The following NECTIN3 variants were observed in gnomAD, a reference collection of about 807,000 sequenced individuals.
NECTIN3 encodes the protein nectin-3.
Under a neutral mutation model 49.4 loss-of-function variants are expected in NECTIN3, and 8 were observed. The observed-to-expected ratio is 0.16, with a 90% CI of 0.10 to 0.29. The LOEUF (loss-of-function observed/expected upper bound fraction) is 0.29, where lower values mean the gene tolerates loss of function less well. NECTIN3 is among the 10% of genes least tolerant of loss of function. The pLI is 1.00. For synonymous variants in NECTIN3, 277 were observed against 241.1 expected, an observed-to-expected ratio of 1.15 and a Z score of -1.38; for missense variants, 581 against 654.6, an observed-to-expected ratio of 0.89 and a Z score of 1.23.
At chr3:111,121,084 G>A (rs1440551640) in intron 3 of NECTIN3, among the ~76,000 whole-genome samples, 1 of 146,858 alleles carries the variant, frequency 6.8e-6, no homozygotes, top group Non-Finnish European at 1.5e-5. Flanking sequence ...CTCACTGCAA[G>A]CTCCGCCTCC....
rs2034482155 is a variant in NECTIN3 at position 111,133,900 on chromosome 3, A to G, written c.1335A>G (p.Pro445=). 1.9e-6 allele frequency: 3 copies of G among 1,614,006 alleles called. No homozygotes were observed. Among genetic ancestry groups the G allele is most frequent in the Non-Finnish European group, 1.7e-6 (2 of 1,179,916 alleles). Residue 445 remains proline (P), a synonymous_variant, in exon 6 of 6, where the codon CCA becomes CCG. Transcript: ENST00000485303. ...ACTACTTTGCCAAGAACTACATTCC[A>G]CCATCAGATATGCAAAAAGAATCAC... The part of the protein sequence containing the change: ...RGDYFAKNYI[P]PSDMQKESQI...
chr3:111,072,677 A>C, intron 1 of NECTIN3: 1 of 1,159,358 alleles, frequency 8.6e-7, no homozygotes, highest in Non-Finnish European at 1.2e-6. Context: ...ACCCAGCCGC[A>C]GAATCCCCTA....
chr3:111,189,435 A>AT (rs1229048490), upstream of NECTIN3, among the ~76,000 whole-genome samples: 1 of 152,126 alleles, frequency 6.6e-6, no homozygotes, highest in East Asian at 1.9e-4. Context: ...TTGTAAATTG[A>AT]TTTTTTAAAG....
In NECTIN3 at chr3:111,117,172, C is replaced by G. The variant is rs930051055; in HGVS notation, c.503-1484C>G. ...AAAAATGAATTCCAAAAACAATAAG[C>G]TAAAGCTAAATGTTCCAATATGAAT... On this transcript the variant is annotated intron_variant, in intron 2 of 5. Coordinates refer to ENST00000485303, the MANE Select transcript of NECTIN3 (RefSeq NM_015480.3). 2.2e-4 allele frequency among the ~76,000 whole-genome samples: 34 copies of G among 151,894 alleles called. 1 individual carries two copies. The highest frequency in any genetic ancestry group is 4.4e-5 in the Non-Finnish European group (3 of 67,880).
chr3:111,077,407 A>G (rs2107354168), intron 1 of NECTIN3: 1 of 221,016 alleles, frequency 4.5e-6, no homozygotes, highest in South Asian at 6.1e-5. Flanking sequence ...CACCCAATAG[A>G]GGCCCTTTAG....
intron 7 of NECTIN3, among the ~76,000 whole-genome samples, chr3:111,155,111 T>C (rs1362991611): frequency 6.6e-6 from 1 of 152,180 alleles, no homozygotes; most frequent in Non-Finnish European, 1.5e-5. Context: ...CTAATTTTTG[T>C]ATTTTTAGGA....
At chr3:111,163,688 AT>A (rs765447769) in intron 7 of NECTIN3, among the ~76,000 whole-genome samples, 9 of 152,344 alleles carry the variant, frequency 5.9e-5, no homozygotes, top group Non-Finnish European at 1.0e-4. Flanking sequence ...TGAAAGTAAA[AT>A]TTTAATGCTA....
chr3:111,126,402 G>A, intron 5 of NECTIN3, 67 bp downstream of exon 5: 1 of 1,321,702 alleles, frequency 7.6e-7, no homozygotes. Context: ...GTAACAATAT[G>A]ATCCTAAGCA....
intron 7 of NECTIN3, among the ~76,000 whole-genome samples, chr3:111,177,482 C>CTT (rs2107530192): frequency 6.6e-6 from 1 of 152,236 alleles, no homozygotes; most frequent in East Asian, 1.9e-4. Flanking sequence ...TTTGGCATAG[C>CTT]TTCTCTGAGA....
At position 111,137,344 on chromosome 3, in the gene NECTIN3, A is replaced by G; in HGVS notation, c.*3129A>G. 4.1e-6 allele frequency: 4 copies of G among 971,726 alleles called. No individual in the cohort carries two copies. The highest frequency in any genetic ancestry group is 3.7e-6 in the Non-Finnish European group (3 of 817,724). 60.2% of individuals were successfully genotyped at this position (971,726 alleles called of 1,614,324 possible). ...TTGTTAATTAGAAAATGCATCCTTC[A>G]TAAACAGCTCCTTTCTCAAATTTTT... On this transcript the variant is annotated 3_prime_UTR_variant, in exon 6 of 6. Coordinates refer to ENST00000485303, the MANE Select transcript of NECTIN3 (RefSeq NM_015480.3).
chr3:111,089,079 A>G (rs1479595018), intron 1 of NECTIN3, among the ~76,000 whole-genome samples: 1 of 152,046 alleles, frequency 6.6e-6, no homozygotes, highest in Non-Finnish European at 1.5e-5. Context: ...TCTTTTGACA[A>G]AAAAATTGTT....
chr3:111,181,240 A>G (rs1408352488), intron 7 of NECTIN3, among the ~76,000 whole-genome samples: 1 of 152,086 alleles, frequency 6.6e-6, no homozygotes, highest in Non-Finnish European at 1.5e-5. Context: ...TTTTGCGTCC[A>G]ATTTCTTTTG....
At chr3:111,095,236 A>G (rs1386564949) in intron 1 of NECTIN3, among the ~76,000 whole-genome samples, 1 of 152,202 alleles carries the variant, frequency 6.6e-6, no homozygotes, top group Non-Finnish European at 1.5e-5. Flanking sequence ...GACTTGAGGG[A>G]AAAATCTTCA....
At chr3:111,122,877 C>G (rs570655103) in intron 4 of NECTIN3, among the ~76,000 whole-genome samples, 1 of 152,016 alleles carries the variant, frequency 6.6e-6, no homozygotes, top group Non-Finnish European at 1.5e-5. Context: ...CCAGATGTAT[C>G]TATCAACTTG....
chr3:111,099,633 T>C (rs1410802989), intron 1 of NECTIN3, among the ~76,000 whole-genome samples: 2 of 152,192 alleles, frequency 1.3e-5, no homozygotes, highest in Admixed American at 1.3e-4. Context: ...TTCTTAACCT[T>C]CAGTTGTCTT....
At chr3:111,148,156 G>T (rs1035744465) in intron 7 of NECTIN3, among the ~76,000 whole-genome samples, 2 of 152,154 alleles carry the variant, frequency 1.3e-5, no homozygotes, top group African/African-American at 4.8e-5. Context: ...ACCTCTGGGG[G>T]CATAGTCTAT....
At chr3:111,184,852 T>C (rs2035690729) in intron 7 of NECTIN3, among the ~76,000 whole-genome samples, 1 of 152,196 alleles carries the variant, frequency 6.6e-6, no homozygotes, top group African/African-American at 2.4e-5. Flanking sequence ...TGGAAGTTTG[T>C]TTTTAAGTTT....
chr3:111,126,380 T>C, intron 5 of NECTIN3, 45 bp downstream of exon 5: 1 of 1,475,928 alleles, frequency 6.8e-7, no homozygotes, highest in Non-Finnish European at 9.3e-7. Flanking sequence ...AAAATATTTC[T>C]GAATAATCAT....
At chr3:111,193,092 G>C in intron 1 of NECTIN3, 1 of 976,510 alleles carries the variant, frequency 1.0e-6, no homozygotes, top group East Asian at 2.6e-5. Flanking sequence ...TTGGCATAAT[G>C]AATCAGGGAC....
Sources: allele counts gnomAD v4.1 joint callset (sites outside exome capture counted in the v4.1 genomes callset), GRCh38; gene constraint gnomAD v4.1.1; transcripts MANE v1.5; gene names NCBI Gene and HGNC (gene_info 2026-07-23, HGNC 2026-07-21).